ST6GALNAC3: variants seen among roughly 807,000 people sequenced by gnomAD.
ST6GALNAC3 encodes alpha-N-acetylgalactosaminide alpha-2,6-sialyltransferase 3.
In ST6GALNAC3, 25 loss-of-function variants were observed where a neutral mutation model predicts 32.7. The ratio of observed to expected loss-of-function variants is 0.76; its 90% CI spans 0.56 to 1.07. The LOEUF (loss-of-function observed/expected upper bound fraction) is 1.07, where lower values mean the gene tolerates loss of function less well. ST6GALNAC3 is among the 50% of genes least tolerant of loss of function. The pLI is 0.00. For synonymous variants in ST6GALNAC3, 129 were observed against 133.1 expected, an observed-to-expected ratio of 0.97 and a Z score of 0.21; for missense variants, 355 against 382.4, an observed-to-expected ratio of 0.93 and a Z score of 0.60.
chr1:76,570,178 A>G (rs140506118), intron 3 of ST6GALNAC3, among the ~76,000 whole-genome samples: 283 of 152,316 alleles, frequency 1.9e-3, no homozygotes, highest in African/African-American at 6.5e-3. Context: ...AATAATGTCC[A>G]TCTTAAATCA....
chr1:76,371,786 C>T (rs6689933), intron 2 of ST6GALNAC3, among the ~76,000 whole-genome samples: 97,138 of 152,024 alleles, frequency 0.64, 33,336 homozygotes, highest in Non-Finnish European at 0.78. Flanking sequence ...AATGCAAATT[C>T]AGTCTTTGAT....
chr1:76,531,557 C>G (rs1169052756), intron 3 of ST6GALNAC3, among the ~76,000 whole-genome samples: 1 of 152,184 alleles, frequency 6.6e-6, no homozygotes, highest in Non-Finnish European at 1.5e-5. Context: ...ATATAGAAAT[C>G]TAGCAAGGTC....
At chr1:76,157,086 G>A (rs925100154) in intron 1 of ST6GALNAC3, among the ~76,000 whole-genome samples, 2 of 142,640 alleles carry the variant, frequency 1.4e-5, no homozygotes, top group African/African-American at 4.9e-5. Flanking sequence ...GGCTCCAGGT[G>A]TGCTGGTGCT....
chr1:76,150,776 C>T (rs1414266782), intron 1 of ST6GALNAC3, among the ~76,000 whole-genome samples: 1 of 152,198 alleles, frequency 6.6e-6, no homozygotes, highest in African/African-American at 2.4e-5. Flanking sequence ...CATATCGGTG[C>T]AGAGATTTCT....
intron 3 of ST6GALNAC3, among the ~76,000 whole-genome samples, chr1:76,574,059 A>C (rs756889089): frequency 6.6e-5 from 10 of 152,132 alleles, no homozygotes; most frequent in African/African-American, 2.4e-4. Flanking sequence ...ATAATGCAAA[A>C]TGCCTTTGTG....
At chr1:76,292,283 TAGAGTGGGAAATGATAGCTTC>T (rs1660140990) in intron 1 of ST6GALNAC3, among the ~76,000 whole-genome samples, 1 of 73,944 alleles carries the variant, frequency 1.4e-5, no homozygotes, top group Non-Finnish European at 4.2e-5. Context: ...GTAGCTTCAG[TAGAGTGGGAAATGATAGCTTC>T]AGTAGAGTGG....
At chr1:76,376,813 T>C in intron 2 of ST6GALNAC3, among the ~76,000 whole-genome samples, 1 of 152,208 alleles carries the variant, frequency 6.6e-6, no homozygotes, top group East Asian at 1.9e-4. Context: ...CTCATGTTTC[T>C]GTTTGTCTTT....
chr1:76,591,215 G>T (rs1647042831), intron 3 of ST6GALNAC3, among the ~76,000 whole-genome samples: 1 of 151,996 alleles, frequency 6.6e-6, no homozygotes, highest in Admixed American at 6.6e-5. Context: ...GTGTGTATGT[G>T]TGTGTAGGGG....
At chr1:76,215,400 G>A (rs907309682) in intron 1 of ST6GALNAC3, among the ~76,000 whole-genome samples, 1 of 152,108 alleles carries the variant, frequency 6.6e-6, no homozygotes, top group African/African-American at 2.4e-5. Flanking sequence ...ACATCAGAAC[G>A]CCTAGGAAGT....
rs564202550 is a variant in ST6GALNAC3, at chr1:76,254,542, C to A, written c.19-59263C>A. Among the ~76,000 whole-genome samples the A allele has an allele frequency of 2.0e-5, 3 of 152,148 alleles. No homozygotes were observed. In the East Asian group the frequency reaches 5.8e-4, roughly 29 times the overall value. ...TTTATGAAAAATCACTTCCTCTGAACAATGGGAAAATGGTGAGAGAGAGAC... is the reference window on the plus strand; with the variant it reads ...TTTATGAAAAATCACTTCCTCTGAAAAATGGGAAAATGGTGAGAGAGAGAC... On this transcript the variant is annotated intron_variant, in intron 1 of 4. Coordinates refer to ENST00000328299, the MANE Select transcript of ST6GALNAC3 (RefSeq NM_152996.4).
At chr1:76,598,278 C>T (rs1157213553) in intron 3 of ST6GALNAC3, among the ~76,000 whole-genome samples, 1 of 152,122 alleles carries the variant, frequency 6.6e-6, no homozygotes, top group Non-Finnish European at 1.5e-5. Context: ...AAACATTCAG[C>T]CTATAGCCAT....
At chr1:76,245,990 T>C (rs1407674800) in intron 1 of ST6GALNAC3, among the ~76,000 whole-genome samples, 1 of 152,202 alleles carries the variant, frequency 6.6e-6, no homozygotes, top group Non-Finnish European at 1.5e-5. Context: ...TTGATCTGTC[T>C]AATATTGACA....
At chr1:76,546,990 A>T (rs1447713656) in intron 3 of ST6GALNAC3, among the ~76,000 whole-genome samples, 1 of 152,258 alleles carries the variant, frequency 6.6e-6, no homozygotes, top group Admixed American at 6.5e-5. Context: ...TAGTTTAGCT[A>T]CAGAAAGCTA....
intron 3 of ST6GALNAC3, among the ~76,000 whole-genome samples, chr1:76,446,228 A>G (rs1266299907): frequency 6.6e-6 from 1 of 152,228 alleles, no homozygotes; most frequent in Non-Finnish European, 1.5e-5. Context: ...AGGAAAGTAC[A>G]GCATTATCCC....
intron 1 of ST6GALNAC3, among the ~76,000 whole-genome samples, chr1:76,310,477 G>A (rs190706366): frequency 1.3e-5 from 2 of 152,256 alleles, no homozygotes; most frequent in South Asian, 2.1e-4. Flanking sequence ...TTAGGCTGGC[G>A]AGATGGAGGG....
At chr1:76,405,202 G>A (rs755957376) in intron 2 of ST6GALNAC3, among the ~76,000 whole-genome samples, 16 of 151,934 alleles carry the variant, frequency 1.1e-4, no homozygotes, top group South Asian at 8.3e-4. Context: ...CTTGACCTTC[G>A]TTTTCCATAG....
At chr1:76,075,136 G>A (rs1378820992) in intron 1 of ST6GALNAC3, among the ~76,000 whole-genome samples, 2 of 152,248 alleles carry the variant, frequency 1.3e-5, no homozygotes, top group Non-Finnish European at 2.9e-5. Context: ...TTGGCTCCAG[G>A]GGAGAGCAGG....
chr1:76,637,205 A>G (rs1250489844), downstream of ST6GALNAC3: 1 of 152,202 alleles, frequency 6.6e-6, no homozygotes, highest in Non-Finnish European at 1.5e-5. Context: ...AAATATCTAT[A>G]TAATCTTTCA....
chr1:76,568,955 G>A (rs1289919838), intron 3 of ST6GALNAC3, among the ~76,000 whole-genome samples: 1 of 152,048 alleles, frequency 6.6e-6, no homozygotes, highest in Non-Finnish European at 1.5e-5. Context: ...GAATAAATGT[G>A]GTTAAACTGC....
Sources: gnomAD v4.1 joint callset for allele counts (sites outside exome capture counted in the v4.1 genomes callset) on GRCh38, gnomAD v4.1.1 for gene constraint, MANE v1.5 for transcripts, NCBI Gene and HGNC (gene_info 2026-07-23, HGNC 2026-07-21) for gene names.